The following CYB5R3 variants were observed in gnomAD, a reference collection of about 807,000 sequenced individuals.
CYB5R3 encodes the protein NADH-cytochrome b5 reductase 3.
A neutral mutation model predicts 36.5 loss-of-function variants in CYB5R3; 28 were observed. The ratio of observed to expected loss-of-function variants is 0.77; its 90% CI spans 0.57 to 1.05. CYB5R3 has a LOEUF of 1.05. CYB5R3 is among the 50% of genes least tolerant of loss of function. The probability of loss-of-function intolerance (pLI) is 0.00; values close to 1 mark genes in which losing one functional copy is unlikely to be tolerated. For synonymous variants in CYB5R3, 181 were observed against 159.8 expected (o/e 1.13, Z -1.00); for missense variants, 474 against 408.9 (o/e 1.16, Z -1.37).
At chr22:42,646,399 A>G (rs970662560) in intron 1 of CYB5R3, among the ~76,000 whole-genome samples, 16 of 152,114 alleles carry the variant, frequency 1.1e-4, no homozygotes, top group African/African-American at 3.9e-4. Context: ...AGTCCCAGGG[A>G]GCCCCCAGCT....
At chr22:42,625,869 G>A (rs747610076) in intron 7 of CYB5R3, among the ~76,000 whole-genome samples, 6 of 152,154 alleles carry the variant, frequency 3.9e-5, no homozygotes, top group Non-Finnish European at 7.3e-5. Context: ...AGTAGATGGG[G>A]CCACTTTCCA....
At chr22:42,633,510 C>T (rs879360953) in intron 2 of CYB5R3, among the ~76,000 whole-genome samples, 28 of 152,336 alleles carry the variant, frequency 1.8e-4, no homozygotes, top group South Asian at 1.2e-3. Flanking sequence ...TAGGGTCAGA[C>T]GTGGTGGCTC....
At chr22:42,644,746 TG>T in intron 1 of CYB5R3, 2 of 697,514 alleles carry the variant, frequency 2.9e-6, no homozygotes, top group Non-Finnish European at 3.5e-6. Flanking sequence ...TCACCATTGT[TG>T]GGGGCCCTGG....
intron 6 of CYB5R3, 93 bp from the exon 7 acceptor site, chr22:42,627,482 A>G: frequency 6.8e-7 from 1 of 1,464,060 alleles, no homozygotes; most frequent in African/African-American, 1.4e-5. Context: ...AGGGGCCAGG[A>G]CCACTGGGCC....
chr22:42,635,967 C>T (rs8190420), intron 2 of CYB5R3, among the ~76,000 whole-genome samples: 4,806 of 152,276 alleles, frequency 0.032, 257 homozygotes, highest in African/African-American at 0.11. Flanking sequence ...GTAATCCCAA[C>T]ACTTTGGGAG....
intron 1 of CYB5R3, chr22:42,639,693 T>C (rs750704744): frequency 2.4e-4 from 93 of 390,780 alleles, no homozygotes; most frequent in Non-Finnish European, 3.7e-4. Flanking sequence ...GTTACTTTCC[T>C]GTAATTATTC....
intron 1 of CYB5R3, chr22:42,644,274 C>G: frequency 1.6e-6 from 1 of 644,624 alleles, no homozygotes. Context: ...TGAGCACCTG[C>G]CCCCAGCCCC....
chr22:42,627,372 G>A lies in CYB5R3; in HGVS notation c.565C>T (p.Gln189Ter), dbSNP rs1928330511. ...AGGTGITPML[Q>*]VIRAIMKDPD... ...TCCTTCATGATGGCGCGGATCACCT[G>A]CAGCATCGGGGTGATGCCTGCAAAA... The change falls in exon 7 of 9, where the codon CAG becomes TAG. Residue 189 changes from glutamine (Q) to a stop codon, truncating the protein, a stop_gained. Transcript: ENST00000352397. LOFTEE classifies it high-confidence loss of function. 1.9e-6 allele frequency: 3 copies of A among 1,613,794 alleles called. No individual in the cohort carries two copies. The highest frequency in any genetic ancestry group is 2.5e-6 in the Non-Finnish European group (3 of 1,179,922).
At position 42,627,629 on chromosome 22, in the gene CYB5R3, C is replaced by T. The variant is rs1274394216; in HGVS notation, c.523G>A (p.Val175Met). 1.2e-6 allele frequency: 2 copies of T among 1,614,064 alleles called. No individual in the cohort carries two copies. The highest frequency in any genetic ancestry group is 2.7e-5 in the African/African-American group (2 of 74,932). Reference protein sequence around the residue: ...SNPIIRTVKSVGMIAGGTGIT... With the variant: ...SNPIIRTVKSMGMIAGGTGIT... ...CCTGTCCCTCCCGCGATCATGCCCA[C>T]AGACTTCACTGTCCTGATGATAGGG... Residue 175 changes from valine to methionine, a missense_variant, in exon 6 of 9, where the codon GTG becomes ATG. Coordinates refer to ENST00000352397, the MANE Select transcript of CYB5R3 (RefSeq NM_000398.7).
At chr22:42,625,654 C>T (rs1446711522) in intron 7 of CYB5R3, among the ~76,000 whole-genome samples, 3 of 151,916 alleles carry the variant, frequency 2.0e-5, no homozygotes, top group South Asian at 2.1e-4. Context: ...GGCTGCTACT[C>T]GAGGGTAGGG....
chr22:42,625,530 T>C lies in CYB5R3; in HGVS notation c.634-1642A>G, dbSNP rs149526522. On this transcript the variant is annotated intron_variant, in intron 7 of 8. Transcript: ENST00000352397. ...GTCTCAATTTTTTTAAAAAAAGTTA[T>C]GTCTTCCTCTCTGAGCTAAAGTGTG... Among the ~76,000 whole-genome samples the C allele has an allele frequency of 1.3e-3, 199 of 152,226 alleles. 2 individuals carry two copies. The highest frequency in any genetic ancestry group is 9.1e-3 in the Admixed American group (139 of 15,278).
At chr22:42,620,613 C>T (rs561018407) in intron 8 of CYB5R3, among the ~76,000 whole-genome samples, 1 of 152,338 alleles carries the variant, frequency 6.6e-6, no homozygotes, top group South Asian at 2.1e-4. Flanking sequence ...CTGCTGAAGC[C>T]TCAGGCCAGG....
intron 2 of CYB5R3, chr22:42,632,621 A>C (rs1478547848): frequency 1.3e-5 from 2 of 152,328 alleles, no homozygotes; most frequent in African/African-American, 2.4e-5. Context: ...AAGCTTCTGC[A>C]TTAGGGGCAA....
chr22:42,641,389 C>A (rs1479219933), intron 1 of CYB5R3, among the ~76,000 whole-genome samples: 1 of 151,694 alleles, frequency 6.6e-6, no homozygotes, highest in African/African-American at 2.4e-5. Flanking sequence ...TCACTCCAAC[C>A]TCCGCCTTCT....
chr22:42,620,916 C>T (rs2146861766), intron 8 of CYB5R3, among the ~76,000 whole-genome samples: 1 of 152,336 alleles, frequency 6.6e-6, no homozygotes, highest in East Asian at 1.9e-4. Flanking sequence ...AATCCCAGTA[C>T]TGATTCCATT....
At position 42,621,183 on chromosome 22, in the gene CYB5R3, A is replaced by T. The variant is rs372636243; in HGVS notation, c.734-1238T>A. Among the ~76,000 whole-genome samples the T allele has an allele frequency of 6.8e-3, 1,009 of 147,820 alleles. 9 individuals are homozygous for T. The highest frequency in any genetic ancestry group is 0.028 in the Middle Eastern group (8 of 282). ...TTCAATTTCACAGCGATTTCTTTTTAGTGTGTGTGTGTGTGTGTGTGTGTG... is the reference window on the plus strand; with the variant it reads ...TTCAATTTCACAGCGATTTCTTTTTTGTGTGTGTGTGTGTGTGTGTGTGTG... On this transcript the variant is annotated intron_variant, in intron 8 of 8. Transcript: ENST00000352397.
Position 42,640,536 on chromosome 22 carries a change from G to A in CYB5R3, c.22-3690C>T, listed in dbSNP as rs137928367. The A allele has an allele frequency of 3.5e-3, 645 of 186,792 alleles. 4 individuals are homozygous for A. Among genetic ancestry groups the A allele is most frequent in the African/African-American group, 0.015 (626 of 42,980 alleles). 11.6% of individuals were successfully genotyped at this position (186,792 alleles called of 1,614,324 possible). ...TGGGATTACAGGTGAGCACCACCAC[G>A]TCTGGCTAATTTTTGTACTTTTAGT... On this transcript the variant is annotated intron_variant, in intron 1 of 8. Coordinates refer to ENST00000352397, the MANE Select transcript of CYB5R3 (RefSeq NM_000398.7).
At chr22:42,647,709 A>C (rs1601954344) in intron 1 of CYB5R3, among the ~76,000 whole-genome samples, 1 of 140,520 alleles carries the variant, frequency 7.1e-6, no homozygotes, top group African/African-American at 2.5e-5. Context: ...ACAGAGAGAG[A>C]CTCCATCTCA....
chr22:42,627,832 A>G (rs1928370897), intron 5 of CYB5R3, 144 bp from the exon 6 acceptor site: 10 of 747,832 alleles, frequency 1.3e-5, no homozygotes, highest in South Asian at 7.2e-5. Flanking sequence ...GCCATGAGGA[A>G]GGTGCAGGAG....
Sources: gnomAD v4.1 joint callset for allele counts (sites outside exome capture counted in the v4.1 genomes callset) on GRCh38, gnomAD v4.1.1 for gene constraint, MANE v1.5 for transcripts, NCBI Gene and HGNC (gene_info 2026-07-23, HGNC 2026-07-21) for gene names.